The following MAN1A1 variants were observed in gnomAD, a reference collection of about 807,000 sequenced individuals.
MAN1A1 encodes mannosidase alpha class 1A member 1, also known as mannosyl-oligosaccharide 1,2-alpha-mannosidase IA.
In MAN1A1, 29 loss-of-function variants were observed where a neutral mutation model predicts 70.8. That is an observed-to-expected ratio of 0.41 (90% CI 0.31 to 0.56). MAN1A1 has a LOEUF of 0.56. Ranked by LOEUF, MAN1A1 falls within the 20% of genes least tolerant of loss-of-function variation. The probability of loss-of-function intolerance (pLI) is 0.29; values close to 1 mark genes in which losing one functional copy is unlikely to be tolerated. For missense variants in MAN1A1, 747 were observed against 841.3 expected, an observed-to-expected ratio of 0.89 and a Z score of 1.39; for synonymous variants, 349 against 330.1, an observed-to-expected ratio of 1.06 and a Z score of -0.62.
At chr6:119,271,946 A>C (rs1775936648) in intron 5 of MAN1A1, among the ~76,000 whole-genome samples, 1 of 152,184 alleles carries the variant, frequency 6.6e-6, no homozygotes, top group African/African-American at 2.4e-5. Context: ...CTCGTATCCT[A>C]TTACTGGAAG....
At chr6:119,275,871 T>C (rs995401774) in intron 5 of MAN1A1, among the ~76,000 whole-genome samples, 2 of 152,260 alleles carry the variant, frequency 1.3e-5, no homozygotes, top group Non-Finnish European at 2.9e-5. Flanking sequence ...GGTCATGTGC[T>C]TTGCTACAGA....
intron 5 of MAN1A1, among the ~76,000 whole-genome samples, chr6:119,253,986 T>G (rs771721858): frequency 6.6e-6 from 1 of 152,206 alleles, no homozygotes; most frequent in Non-Finnish European, 1.5e-5. Context: ...ATCTCAATGT[T>G]TGATTTGTTA....
intron 5 of MAN1A1, among the ~76,000 whole-genome samples, chr6:119,288,003 T>G (rs1440125405): frequency 2.6e-5 from 4 of 152,164 alleles, no homozygotes; most frequent in Non-Finnish European, 5.9e-5. Context: ...AGCTACGAGG[T>G]TTCAAATTTT....
At chr6:119,229,175 A>C (rs1774603077) in intron 6 of MAN1A1, among the ~76,000 whole-genome samples, 1 of 151,664 alleles carries the variant, frequency 6.6e-6, no homozygotes, top group Non-Finnish European at 1.5e-5. Context: ...ATATAACAAC[A>C]ATTATCAGAA....
intron 11 of MAN1A1, among the ~76,000 whole-genome samples, chr6:119,184,000 A>T (rs78029579): frequency 9.7e-6 from 1 of 103,120 alleles, no homozygotes; most frequent in South Asian, 3.4e-4. Flanking sequence ...TTGGTAAATT[A>T]AAAAAAAAAA....
chr6:119,342,900 A>T (rs1233818818), intron 2 of MAN1A1, among the ~76,000 whole-genome samples: 1 of 151,570 alleles, frequency 6.6e-6, no homozygotes, highest in Non-Finnish European at 1.5e-5. Flanking sequence ...ACAGTAACTC[A>T]CTCTCTTCTT....
intron 2 of MAN1A1, among the ~76,000 whole-genome samples, chr6:119,336,480 G>C (rs1269748266): frequency 6.6e-6 from 1 of 152,280 alleles, no homozygotes; most frequent in Admixed American, 6.5e-5. Flanking sequence ...CAATACGAGA[G>C]AAGTGATGTT....
chr6:119,281,038 T>G (rs1776213110), intron 5 of MAN1A1, among the ~76,000 whole-genome samples: 1 of 152,112 alleles, frequency 6.6e-6, no homozygotes, highest in Non-Finnish European at 1.5e-5. Flanking sequence ...TATATGTCTG[T>G]CTGTCAACTT....
intron 2 of MAN1A1, among the ~76,000 whole-genome samples, chr6:119,332,555 G>A (rs1004773265): frequency 2.6e-5 from 4 of 152,278 alleles, no homozygotes; most frequent in South Asian, 2.1e-4. Context: ...GGTGGCTCAC[G>A]CCTGTAATCC....
intron 2 of MAN1A1, among the ~76,000 whole-genome samples, chr6:119,340,496 A>T (rs879938928): frequency 2.0e-5 from 3 of 152,234 alleles, no homozygotes; most frequent in Non-Finnish European, 4.4e-5. Flanking sequence ...AAATGGAGAC[A>T]CTAGCAATAG....
intron 5 of MAN1A1, among the ~76,000 whole-genome samples, chr6:119,256,855 G>A (rs932818010): frequency 3.9e-5 from 6 of 152,140 alleles, no homozygotes; most frequent in Non-Finnish European, 5.9e-5. Context: ...ATTTACCAAC[G>A]TGGTAAGGGC....
At chr6:119,180,042 CT>C in intron 12 of MAN1A1, 97 bp from the exon 13 acceptor site, 1 of 1,297,274 alleles carries the variant, frequency 7.7e-7, no homozygotes, top group Non-Finnish European at 1.1e-6. Context: ...CTGCATTCAT[CT>C]TACCAAGAAA....
intron 8 of MAN1A1, among the ~76,000 whole-genome samples, chr6:119,197,678 A>G (rs1582687897): frequency 1.3e-5 from 2 of 152,354 alleles, no homozygotes; most frequent in Middle Eastern, 6.8e-3. Flanking sequence ...CAAAGACCTG[A>G]ACATGGCCAA....
At chr6:119,220,780 C>T (rs961449549) in intron 6 of MAN1A1, among the ~76,000 whole-genome samples, 1 of 151,998 alleles carries the variant, frequency 6.6e-6, no homozygotes, top group African/African-American at 2.4e-5. Flanking sequence ...CATATAAATA[C>T]TTCTATATAG....
intron 2 of MAN1A1, among the ~76,000 whole-genome samples, chr6:119,341,253 T>C (rs527315927): frequency 6.6e-6 from 1 of 152,312 alleles, no homozygotes; most frequent in Admixed American, 6.5e-5. Flanking sequence ...TTAGCCAGTA[T>C]TGCTTTCTTA....
At chr6:119,349,880 A>C, upstream of MAN1A1, 3 of 439,474 alleles carry the variant, frequency 6.8e-6, no homozygotes, top group Non-Finnish European at 9.1e-6. Flanking sequence ...GGCCGAGGCG[A>C]GGAGGGGGAT....
intron 2 of MAN1A1, among the ~76,000 whole-genome samples, chr6:119,321,684 C>G (rs1004547890): frequency 1.4e-5 from 2 of 147,038 alleles, no homozygotes; most frequent in Non-Finnish European, 3.0e-5. Flanking sequence ...GTGGCACAAT[C>G]TCAGCTCACC....
intron 6 of MAN1A1, among the ~76,000 whole-genome samples, chr6:119,210,364 A>G (rs1774013918): frequency 6.6e-6 from 1 of 152,216 alleles, no homozygotes; most frequent in Non-Finnish European, 1.5e-5. Context: ...ACCACCAAAA[A>G]GGCGAGCAGA....
At chr6:119,295,995 C>T (rs189459560) in intron 4 of MAN1A1, among the ~76,000 whole-genome samples, 2 of 152,272 alleles carry the variant, frequency 1.3e-5, no homozygotes, top group East Asian at 3.9e-4. Flanking sequence ...AGACTGGTAA[C>T]TACCAATAAG....
Sources: allele counts gnomAD v4.1 joint callset (sites outside exome capture counted in the v4.1 genomes callset), GRCh38; gene constraint gnomAD v4.1.1; transcripts MANE v1.5; gene names NCBI Gene and HGNC (gene_info 2026-07-23, HGNC 2026-07-21).